Variants in LRP1B observed in about 807,000 individuals in gnomAD.
LRP1B encodes the protein low-density lipoprotein receptor-related protein 1B.
A neutral mutation model predicts 556.6 loss-of-function variants in LRP1B; 217 were observed. The observed-to-expected ratio is 0.39, with a 90% CI of 0.35 to 0.44. The LOEUF is 0.44. Among genes scored for constraint, LRP1B ranks in the 20% least tolerant of loss-of-function variants. The pLI, the probability that LRP1B is intolerant of heterozygous loss-of-function variation, is 1.00. For missense variants in LRP1B, 5,053 were observed against 5,620.8 expected, an observed-to-expected ratio of 0.90 and a Z score of 3.23; for synonymous variants, 2,047 against 1,865.8, an observed-to-expected ratio of 1.10 and a Z score of -2.50.
At chr2:141,400,599 C>T (rs2104924023) in intron 3 of LRP1B, among the ~76,000 whole-genome samples, 1 of 152,236 alleles carries the variant, frequency 6.6e-6, no homozygotes, top group South Asian at 2.1e-4. Flanking sequence ...TAAATACTGC[C>T]GTGGATCATT....
At chr2:141,111,491 C>T (rs758456213) in intron 7 of LRP1B, among the ~76,000 whole-genome samples, 9 of 151,978 alleles carry the variant, frequency 5.9e-5, no homozygotes, top group Non-Finnish European at 7.4e-5. Flanking sequence ...GGAAAGAGTC[C>T]CCAGAGAACC....
At chr2:141,066,592 T>C (rs1287418367) in intron 7 of LRP1B, among the ~76,000 whole-genome samples, 7 of 152,094 alleles carry the variant, frequency 4.6e-5, no homozygotes, top group African/African-American at 1.7e-4. Flanking sequence ...AATGCTTCTG[T>C]ACTTTAACTC....
chr2:141,373,316 T>C (rs1190616614), intron 3 of LRP1B, among the ~76,000 whole-genome samples: 1 of 152,114 alleles, frequency 6.6e-6, no homozygotes, highest in Non-Finnish European at 1.5e-5. Context: ...CGATGAATAT[T>C]CTATAGTTGG....
At chr2:140,851,522 C>A in intron 28 of LRP1B, 130 bp downstream of exon 28, 1 of 922,056 alleles carries the variant, frequency 1.1e-6, no homozygotes, top group East Asian at 2.7e-5. Context: ...ATAGCACCAC[C>A]ACCTAAAATA....
chr2:141,309,247 A>G (rs1686718329), intron 3 of LRP1B, among the ~76,000 whole-genome samples: 1 of 152,226 alleles, frequency 6.6e-6, no homozygotes, highest in Admixed American at 6.5e-5. Context: ...CAAATCTTGA[A>G]ATTTTAGTTG....
intron 31 of LRP1B, among the ~76,000 whole-genome samples, chr2:140,816,162 G>A (rs1053354659): frequency 1.3e-5 from 2 of 151,768 alleles, no homozygotes. Flanking sequence ...TGTGTCACGA[G>A]GCTGGAGTGA....
intron 3 of LRP1B, among the ~76,000 whole-genome samples, chr2:141,324,263 A>G (rs1328434624): frequency 6.6e-6 from 1 of 152,104 alleles, no homozygotes; most frequent in Non-Finnish European, 1.5e-5. Context: ...CCTGACCATA[A>G]AGAAACTCTA....
At chr2:140,894,812 G>A (rs1169809323) in intron 23 of LRP1B, among the ~76,000 whole-genome samples, 1 of 152,096 alleles carries the variant, frequency 6.6e-6, no homozygotes, top group Non-Finnish European at 1.5e-5. Flanking sequence ...GCTGGGCATG[G>A]TGGCGCCTGC....
chr2:141,730,732 T>G (rs1574294377), intron 2 of LRP1B, among the ~76,000 whole-genome samples: 1 of 152,306 alleles, frequency 6.6e-6, no homozygotes, highest in African/African-American at 2.4e-5. Context: ...ATGCAGTTTT[T>G]TGATTCAGAA....
chr2:141,115,321 G>C (rs1486420020), intron 7 of LRP1B, among the ~76,000 whole-genome samples: 2 of 152,142 alleles, frequency 1.3e-5, no homozygotes, highest in Admixed American at 1.3e-4. Flanking sequence ...GATAGGAATA[G>C]ACAAGGATTC....
rs755895606 is a variant in LRP1B at position 140,867,791 on chromosome 2, T to A, written c.4378A>T (p.Ile1460Leu). The A allele has an allele frequency of 1.9e-6, 3 of 1,601,456 alleles. No homozygotes were observed. In the Admixed American group the frequency reaches 5.1e-5, roughly 27 times the overall value. Residue 1460 changes from isoleucine to leucine, a missense_variant, in exon 27 of 91, where the codon ATA becomes TTA. Ile to Leu is a conservative substitution (Grantham distance 5). Coordinates refer to ENST00000389484, the MANE Select transcript of LRP1B (RefSeq NM_018557.3). The stretch of plus-strand genomic sequence containing the variant: ...TATTCATGACCTCGGATGATTTCTA[T>A]CATGTTTGTTCCATCATAGAGGGCT... ...YSALYDGTNM[I>L]EIIRGHEYLS... is the part of the protein sequence containing the mutation.
chr2:141,249,870 C>A (rs948701399), intron 4 of LRP1B, among the ~76,000 whole-genome samples: 3 of 151,630 alleles, frequency 2.0e-5, no homozygotes, highest in Non-Finnish European at 4.4e-5. Flanking sequence ...GAAGACTGAT[C>A]TTAAATGGAA....
chr2:141,002,855 G>A (rs754662103), intron 15 of LRP1B, among the ~76,000 whole-genome samples: 21 of 151,796 alleles, frequency 1.4e-4, no homozygotes, highest in Admixed American at 1.2e-3. Context: ...AAATATAAAT[G>A]TCAAACATAT....
At chr2:141,540,663 A>T (rs1685226796) in intron 2 of LRP1B, among the ~76,000 whole-genome samples, 1 of 152,026 alleles carries the variant, frequency 6.6e-6, no homozygotes, top group Admixed American at 6.6e-5. Flanking sequence ...CTGTATAACA[A>T]ATGATTTAGT....
chr2:141,742,330 A>T (rs1251236534), intron 2 of LRP1B, among the ~76,000 whole-genome samples: 2 of 148,502 alleles, frequency 1.3e-5, no homozygotes, highest in Non-Finnish European at 3.0e-5. Context: ...CGACTCACTG[A>T]CACGGCCGCC....
At chr2:141,313,666 T>G (rs1344206626) in intron 3 of LRP1B, among the ~76,000 whole-genome samples, 1 of 152,194 alleles carries the variant, frequency 6.6e-6, no homozygotes, top group East Asian at 1.9e-4. Flanking sequence ...AAGGTGGTAC[T>G]TAAGGGAGAA....
intron 2 of LRP1B, among the ~76,000 whole-genome samples, chr2:141,660,707 G>A (rs1690184069): frequency 6.6e-6 from 1 of 152,162 alleles, no homozygotes; most frequent in Admixed American, 6.5e-5. Flanking sequence ...GAAATGGGCT[G>A]CCGTGGTCTC....
chr2:140,398,961 C>T (rs1684374333), intron 66 of LRP1B, among the ~76,000 whole-genome samples: 1 of 151,986 alleles, frequency 6.6e-6, no homozygotes, highest in African/African-American at 2.4e-5. Context: ...TTAAAAACTC[C>T]TCCAAATCAT....
intron 1 of LRP1B, among the ~76,000 whole-genome samples, chr2:141,972,493 G>T (rs1439426182): frequency 2.0e-5 from 3 of 151,142 alleles, no homozygotes; most frequent in Non-Finnish European, 3.0e-5. Context: ...CACATGAAAT[G>T]AAGGAGGAAT....
Sources: gnomAD v4.1 joint callset for allele counts (sites outside exome capture counted in the v4.1 genomes callset) on GRCh38, gnomAD v4.1.1 for gene constraint, MANE v1.5 for transcripts, NCBI Gene and HGNC (gene_info 2026-07-23, HGNC 2026-07-21) for gene names.